The following MFHAS1 variants were observed in gnomAD, a reference collection of about 807,000 sequenced individuals.
The protein encoded by MFHAS1 is multifunctional ROCO family signaling regulator 1, also known as malignant fibrous histiocytoma-amplified sequence 1.
A neutral mutation model predicts 70.4 loss-of-function variants in MFHAS1; 50 were observed. The observed-to-expected ratio is 0.71, with a 90% confidence interval of 0.57 to 0.90. The LOEUF is 0.90. Among genes scored for constraint, MFHAS1 ranks in the 40% least tolerant of loss-of-function variants. The pLI is 0.00. For synonymous variants in MFHAS1, 952 were observed against 620.0 expected, an observed-to-expected ratio of 1.54 and a Z score of -7.96; for missense variants, 1,795 against 1,347.6, an observed-to-expected ratio of 1.33 and a Z score of -5.20.
chr8:8,891,026 C>T lies in MFHAS1; in HGVS notation c.2033G>A (p.Arg678Gln), dbSNP rs199638952. 8 of 1,613,748 alleles carry T rather than the reference C, an allele frequency of 5.0e-6. No individual in the cohort carries two copies. The East Asian group carries it at 1.8e-4, about 36-fold the overall frequency. The change falls in exon 1 of 3, where the codon CGA (arginine) becomes CAA (glutamine). Residue 678 changes from arginine to glutamine, a missense_variant. Arg to Gln is a conservative substitution (Grantham distance 43, BLOSUM62 1). Coordinates refer to ENST00000276282, the MANE Select transcript of MFHAS1 (RefSeq NM_004225.3). This position sits in a 1 kb window ranked among gnomAD's most constrained non-coding sequence, Gnocchi z 5.4. ...ELHFQPPQAQ[R>Q]LWLSWWDSAR... Reference sequence around the variant, plus strand: ...CGAGTCCCACCAGCTTAGCCACAGTCGCTGGGCCTGAGGTGGCTGGAAATG... The same window carrying T: ...CGAGTCCCACCAGCTTAGCCACAGTTGCTGGGCCTGAGGTGGCTGGAAATG...
chr8:8,795,102 G>C (rs1480190322), intron 2 of MFHAS1, among the ~76,000 whole-genome samples: 1 of 152,050 alleles, frequency 6.6e-6, no homozygotes, highest in Admixed American at 6.5e-5. Flanking sequence ...CTTGGCTCTG[G>C]AAAGTTTACG....
At chr8:8,819,101 G>A (rs148755342) in intron 1 of MFHAS1, among the ~76,000 whole-genome samples, 98 of 133,342 alleles carry the variant, frequency 7.3e-4, no homozygotes, top group African/African-American at 2.3e-3. Context: ...GGAATATCAC[G>A]TGGCCAGTAA....
intron 1 of MFHAS1, among the ~76,000 whole-genome samples, chr8:8,818,096 G>A (rs74751801): frequency 6.6e-6 from 1 of 152,252 alleles, no homozygotes; most frequent in East Asian, 1.9e-4. Flanking sequence ...TACTCTTTCA[G>A]AATGTTCTAA....
intron 1 of MFHAS1, among the ~76,000 whole-genome samples, chr8:8,848,723 G>C (rs1037052365): frequency 6.6e-6 from 1 of 152,094 alleles, no homozygotes; most frequent in African/African-American, 2.4e-5. Flanking sequence ...ACATTAGGAC[G>C]TGTTTTTTAA....
chr8:8,823,960 A>G (rs1456322512), intron 1 of MFHAS1, among the ~76,000 whole-genome samples: 3 of 141,052 alleles, frequency 2.1e-5, no homozygotes, highest in African/African-American at 7.9e-5. Context: ...CCTACAGGGA[A>G]GAAAACAACG....
At chr8:8,836,237 T>C (rs759930810) in intron 1 of MFHAS1, among the ~76,000 whole-genome samples, 2 of 152,220 alleles carry the variant, frequency 1.3e-5, no homozygotes, top group Non-Finnish European at 2.9e-5. Flanking sequence ...CAGGCAACCC[T>C]GTTGCTTCTG....
intron 1 of MFHAS1, among the ~76,000 whole-genome samples, chr8:8,816,447 A>G (rs959242925): frequency 2.6e-5 from 4 of 152,232 alleles, no homozygotes; most frequent in Admixed American, 6.5e-5. Context: ...TGAGCGGGAC[A>G]AATTTCACTG....
chr8:8,860,942 A>G (rs1042485364), intron 1 of MFHAS1, among the ~76,000 whole-genome samples: 4 of 152,228 alleles, frequency 2.6e-5, no homozygotes, highest in Non-Finnish European at 5.9e-5. Context: ...ATGAAAGCCC[A>G]AATACCTTAT....
chr8:8,853,254 G>C (rs773095829), intron 1 of MFHAS1, among the ~76,000 whole-genome samples: 1 of 151,906 alleles, frequency 6.6e-6, no homozygotes, highest in Non-Finnish European at 1.5e-5. Flanking sequence ...TTTTGTCACA[G>C]TTTGCTCGGA....
chr8:8,808,268 C>A (rs571152180), intron 1 of MFHAS1, among the ~76,000 whole-genome samples: 1 of 151,670 alleles, frequency 6.6e-6, no homozygotes, highest in South Asian at 2.1e-4. Flanking sequence ...AGACGCTCCC[C>A]TGGGAACCCT....
intron 1 of MFHAS1, among the ~76,000 whole-genome samples, chr8:8,877,486 G>GT (rs1365410239): frequency 6.6e-6 from 1 of 152,106 alleles, no homozygotes; most frequent in Non-Finnish European, 1.5e-5. Flanking sequence ...GTCTATTAGG[G>GT]TAAGATTTAG....
intron 1 of MFHAS1, among the ~76,000 whole-genome samples, chr8:8,814,939 G>C (rs1303306033): frequency 6.6e-6 from 1 of 150,670 alleles, no homozygotes; most frequent in Non-Finnish European, 1.5e-5. Context: ...TGCCATGGGA[G>C]TTTGCTGCAT....
At chr8:8,871,253 G>GT (rs1307372790) in intron 1 of MFHAS1, among the ~76,000 whole-genome samples, 1 of 152,096 alleles carries the variant, frequency 6.6e-6, no homozygotes, top group Non-Finnish European at 1.5e-5. Flanking sequence ...TTATTATATG[G>GT]TAAAAACTAC....
At chr8:8,801,030 A>C (rs2048419) in intron 1 of MFHAS1, among the ~76,000 whole-genome samples, 4 of 151,740 alleles carry the variant, frequency 2.6e-5, no homozygotes, top group African/African-American at 9.7e-5. Context: ...CCTGGCCAAC[A>C]TGGTAAAACC....
intron 1 of MFHAS1, among the ~76,000 whole-genome samples, chr8:8,855,461 C>A (rs1808402142): frequency 6.6e-6 from 1 of 152,244 alleles, no homozygotes; most frequent in African/African-American, 2.4e-5. Flanking sequence ...CTGAGATGCA[C>A]ACTAATGTCT....
Position 8,785,849 on chromosome 8 carries a change from C to G in MFHAS1, c.*173G>C, listed in dbSNP as rs1387619508. On this transcript the variant is annotated 3_prime_UTR_variant, in exon 3 of 3. Transcript: ENST00000276282. Reference sequence around the variant, plus strand: ...ATGTTCTCGTCCATGCTTCCCCCCACCACCCCCTCCCCACCTCTTCCCCAG... The same window carrying G: ...ATGTTCTCGTCCATGCTTCCCCCCAGCACCCCCTCCCCACCTCTTCCCCAG... The G allele has an allele frequency of 1.7e-5, 7 of 405,374 alleles. No individual in the cohort carries two copies. Among genetic ancestry groups the G allele is most frequent in the Admixed American group, 3.4e-5 (1 of 29,720 alleles). The allele number at this position is 405,374 out of a possible 1,614,324, so 25.1% of individuals were successfully genotyped here. A position where few individuals can be genotyped will look rare whatever the true frequency, so the allele number is the denominator to read the frequency against.
At chr8:8,865,917 A>T (rs1297090148) in intron 1 of MFHAS1, among the ~76,000 whole-genome samples, 1 of 152,168 alleles carries the variant, frequency 6.6e-6, no homozygotes, top group African/African-American at 2.4e-5. Flanking sequence ...CTACAGAATG[A>T]CTGTCCTCCA....
chr8:8,870,654 C>T (rs988155220), intron 1 of MFHAS1, among the ~76,000 whole-genome samples: 8 of 152,154 alleles, frequency 5.3e-5, no homozygotes, highest in Non-Finnish European at 1.2e-4. Context: ...CACACACACA[C>T]GTGGATCAAG....
intron 1 of MFHAS1, among the ~76,000 whole-genome samples, chr8:8,817,852 C>G (rs756249275): frequency 6.6e-6 from 1 of 152,142 alleles, no homozygotes; most frequent in Non-Finnish European, 1.5e-5. Flanking sequence ...TGCCGCTGAT[C>G]GGACAGGAGG....
Sources: allele counts gnomAD v4.1 joint callset (sites outside exome capture counted in the v4.1 genomes callset), GRCh38; gene constraint gnomAD v4.1.1; non-coding constraint Gnocchi (gnomAD v3.1); transcripts MANE v1.5; gene names NCBI Gene and HGNC (gene_info 2026-07-23, HGNC 2026-07-21).